MICU2: variants seen among roughly 807,000 people sequenced by gnomAD.
MICU2 encodes mitochondrial calcium uptake 2, also known as calcium uptake protein 2, mitochondrial.
MICU2 carries 64 observed loss-of-function variants against 60.4 expected under a neutral mutation model. The ratio of observed to expected loss-of-function variants is 1.06; its 90% confidence interval spans 0.87 to 1.31. The LOEUF (loss-of-function observed/expected upper bound fraction) is 1.31. Ranked by LOEUF, MICU2 falls within the 50% of genes most tolerant of loss-of-function variation. The pLI, the probability that MICU2 is intolerant of heterozygous loss-of-function variation, is 0.00. For synonymous variants in MICU2, 201 were observed against 175.0 expected (o/e 1.15, Z -1.17); for missense variants, 569 against 531.0 (o/e 1.07, Z -0.70).
chr13:21,539,427 T>C (rs1393248268), intron 3 of MICU2, 50 bp from the exon 4 acceptor site: 1 of 1,543,574 alleles, frequency 6.5e-7, no homozygotes, highest in Non-Finnish European at 8.9e-7. Flanking sequence ...ATTTTCTTTG[T>C]AGCTGGGACT....
chr13:21,504,735 T>G (rs1011108242), intron 8 of MICU2, among the ~76,000 whole-genome samples: 1 of 152,210 alleles, frequency 6.6e-6, no homozygotes, highest in Non-Finnish European at 1.5e-5. Flanking sequence ...GTTTAGGCAG[T>G]GTTGTACTGG....
chr13:21,539,475 G>A (rs1887224003), intron 3 of MICU2, 98 bp from the exon 4 acceptor site: 1 of 1,329,214 alleles, frequency 7.5e-7, no homozygotes, highest in Non-Finnish European at 1.1e-6. Flanking sequence ...ATTTCTTTTT[G>A]TATTTTTAGT....
At chr13:21,508,597 T>C (rs1886352458) in intron 8 of MICU2, among the ~76,000 whole-genome samples, 1 of 152,192 alleles carries the variant, frequency 6.6e-6, no homozygotes, top group Admixed American at 6.5e-5. Flanking sequence ...TTATGGTGTA[T>C]AAAACCTTCA....
chr13:21,511,905 C>T (rs1447502867), intron 7 of MICU2, among the ~76,000 whole-genome samples: 3 of 151,700 alleles, frequency 2.0e-5, no homozygotes, highest in East Asian at 3.9e-4. Context: ...TATTGCAGAG[C>T]AGTATTTCAT....
Position 21,596,067 on chromosome 13 carries a change from C to T in MICU2, c.210+7872G>A, listed in dbSNP as rs185386499. 2.8e-3 allele frequency among the ~76,000 whole-genome samples: 431 copies of T among 152,302 alleles called. 8 individuals carry two copies. Among genetic ancestry groups the T allele is most frequent in the Middle Eastern group, 0.01 (3 of 294 alleles). ...CAATCTAGTAATATTCAAAATCCTT[C>T]CAGGAGTGTTGCTAAGAACTGCAAT... On this transcript the variant is annotated intron_variant, in intron 1 of 11. Coordinates refer to ENST00000382374, the MANE Select transcript of MICU2 (RefSeq NM_152726.3).
chr13:21,536,881 C>T (rs1887142530), intron 4 of MICU2, among the ~76,000 whole-genome samples: 1 of 152,180 alleles, frequency 6.6e-6, no homozygotes, highest in South Asian at 2.1e-4. Context: ...ACTAAATTAA[C>T]TATGCCAACT....
intron 7 of MICU2, among the ~76,000 whole-genome samples, chr13:21,514,008 C>T (rs1216283315): frequency 1.3e-5 from 2 of 152,014 alleles, no homozygotes; most frequent in African/African-American, 4.8e-5. Context: ...CTGTGCACCA[C>T]CTGAAGTTAG....
At chr13:21,566,359 CA>C (rs1201102783) in intron 2 of MICU2, among the ~76,000 whole-genome samples, 8 of 152,182 alleles carry the variant, frequency 5.3e-5, no homozygotes, top group Non-Finnish European at 4.4e-5. Context: ...AAATCTGAAA[CA>C]AATGCACGTT....
chr13:21,493,856 T>G (rs1336169920), intron 11 of MICU2, among the ~76,000 whole-genome samples: 1 of 151,864 alleles, frequency 6.6e-6, no homozygotes, highest in South Asian at 2.1e-4. Context: ...ACGTGTTTTG[T>G]TAGCTAAAAA....
At chr13:21,499,555 C>A (rs1886091356) in intron 9 of MICU2, among the ~76,000 whole-genome samples, 1 of 151,854 alleles carries the variant, frequency 6.6e-6, no homozygotes. Flanking sequence ...GGACTACAGG[C>A]ACCCGCCACC....
Position 21,498,616 on chromosome 13 carries a change from T to C in MICU2, c.934-2456A>G, listed in dbSNP as rs557070131. On this transcript the variant is annotated intron_variant, in intron 9 of 11. Coordinates refer to ENST00000382374, the MANE Select transcript of MICU2 (RefSeq NM_152726.3). ...CTGGTCTCAAACTCCTGACCTCAGG[T>C]GATTCACCCACCTCAGCCTCCCAAA... Among the ~76,000 whole-genome samples the C allele has an allele frequency of 1.1e-4, 16 of 152,120 alleles. No individual in the cohort carries two copies. In the South Asian group the frequency reaches 3.3e-3, roughly 32 times the overall value.
intron 4 of MICU2, among the ~76,000 whole-genome samples, chr13:21,524,893 T>A (rs1886809496): frequency 6.6e-6 from 1 of 152,252 alleles, no homozygotes; most frequent in South Asian, 2.1e-4. Flanking sequence ...TGTGACTTGC[T>A]TATTTCACTT....
intron 8 of MICU2, among the ~76,000 whole-genome samples, chr13:21,508,633 C>T (rs1886353482): frequency 6.6e-6 from 1 of 152,268 alleles, no homozygotes; most frequent in African/African-American, 2.4e-5. Flanking sequence ...ACTTCCCAGC[C>T]TCCATTCTCC....
chr13:21,566,898 C>T lies in MICU2; in HGVS notation c.257G>A (p.Arg86His), dbSNP rs555042099. The T allele has an allele frequency of 1.2e-5, 20 of 1,611,298 alleles. No homozygotes were observed. Among genetic ancestry groups the T allele is most frequent in the African/African-American group, 4.0e-5 (3 of 74,654 alleles). The change falls in exon 2 of 12, where the codon CGT becomes CAT. Residue 86 changes from arginine (R) to histidine (H), a missense_variant. Physicochemically the swap from Arg to His is conservative, Grantham distance 29 (BLOSUM62 0). Transcript: ENST00000382374. ...AGAAAACTGCATGAAGCGCTGCTTA[C>T]GAAGAGACGGTTTCCCAATATATAT... is the stretch of plus-strand genomic sequence containing the variant. ...GIIYIGKPSL[R>H]KQRFMQFSSL...
chr13:21,500,332 T>A (rs1388327490), intron 9 of MICU2, among the ~76,000 whole-genome samples: 1 of 152,094 alleles, frequency 6.6e-6, no homozygotes, highest in East Asian at 1.9e-4. Flanking sequence ...TTTACAGTTA[T>A]TCACATGTTG....
Position 21,566,547 on chromosome 13 carries a change from T to C in MICU2, c.358+250A>G, listed in dbSNP as rs551386130. Among the ~76,000 whole-genome samples the C allele has an allele frequency of 9.2e-5, 14 of 152,166 alleles. No individual in the cohort carries two copies. In the South Asian group the frequency reaches 2.5e-3, roughly 27 times the overall value. On this transcript the variant is annotated intron_variant, in intron 2 of 11. Coordinates refer to ENST00000382374, the MANE Select transcript of MICU2 (RefSeq NM_152726.3). ...ATAACATGGACAAAGTAATTACTAA[T>C]GACATATTTAGTAGCAATTAAAACT...
At chr13:21,510,564 G>A (rs1886401267) in intron 7 of MICU2, among the ~76,000 whole-genome samples, 1 of 152,098 alleles carries the variant, frequency 6.6e-6, no homozygotes, top group African/African-American at 2.4e-5. Flanking sequence ...CGTAATGAGT[G>A]AGGCAGATTC....
intron 3 of MICU2, 104 bp downstream of exon 3, chr13:21,539,553 C>G: frequency 2.0e-6 from 3 of 1,477,724 alleles, no homozygotes; most frequent in Non-Finnish European, 2.8e-6. Flanking sequence ...CCACCTTGGC[C>G]TCCCAAAGTG....
intron 2 of MICU2, among the ~76,000 whole-genome samples, chr13:21,563,885 C>CT (rs1216436537): frequency 6.6e-6 from 1 of 150,946 alleles, no homozygotes; most frequent in African/African-American, 2.4e-5. Flanking sequence ...TCATAGTTCA[C>CT]TGTAGTCTCA....
Sources: gnomAD v4.1 joint callset for allele counts (sites outside exome capture counted in the v4.1 genomes callset) on GRCh38, gnomAD v4.1.1 for gene constraint, MANE v1.5 for transcripts, NCBI Gene and HGNC (gene_info 2026-07-23, HGNC 2026-07-21) for gene names.